MEI4: variants seen among roughly 807,000 people sequenced by gnomAD.
MEI4 encodes meiotic double-stranded break formation protein 4, also known as meiosis-specific protein MEI4.
A neutral mutation model predicts 31.4 loss-of-function variants in MEI4; 27 were observed. The observed-to-expected ratio is 0.86, with a 90% CI of 0.63 to 1.19. The LOEUF is 1.19. Among genes scored for constraint, MEI4 ranks in the 50% most tolerant of loss-of-function variants. The probability of loss-of-function intolerance (pLI) is 0.00; values close to 1 mark genes in which losing one functional copy is unlikely to be tolerated. For missense variants in MEI4, 329 were observed against 398.9 expected, an observed-to-expected ratio of 0.82 and a Z score of 1.49; for synonymous variants, 122 against 145.4, an observed-to-expected ratio of 0.84 and a Z score of 1.16.
chr6:77,824,406 A>C (rs1420709905), intron 3 of MEI4, among the ~76,000 whole-genome samples: 1 of 152,176 alleles, frequency 6.6e-6, no homozygotes, highest in Non-Finnish European at 1.5e-5. Context: ...CTAACTTTGA[A>C]CAAGTTAACT....
At chr6:77,781,423 T>G (rs1332490092) in intron 3 of MEI4, among the ~76,000 whole-genome samples, 1 of 152,168 alleles carries the variant, frequency 6.6e-6, no homozygotes, top group African/African-American at 2.4e-5. Context: ...AAAAACTTGC[T>G]GCTCAAAATG....
intron 2 of MEI4, among the ~76,000 whole-genome samples, chr6:77,757,611 A>T (rs954324859): frequency 3.9e-5 from 6 of 152,204 alleles, no homozygotes; most frequent in Non-Finnish European, 8.8e-5. Context: ...TTTTCTTCCC[A>T]ATTTATCCAT....
intron 1 of MEI4, among the ~76,000 whole-genome samples, chr6:77,683,818 A>G (rs911370376): frequency 2.0e-4 from 30 of 152,278 alleles, no homozygotes; most frequent in African/African-American, 6.7e-4. Context: ...TATCTTTTCT[A>G]TTGCGAATAA....
At chr6:77,849,900 G>A (rs1488555999) in intron 4 of MEI4, among the ~76,000 whole-genome samples, 1 of 152,062 alleles carries the variant, frequency 6.6e-6, no homozygotes, top group Non-Finnish European at 1.5e-5. Context: ...ATCCCATGTG[G>A]CATATTGGTT....
At chr6:77,673,377 A>G (rs975045838) in intron 1 of MEI4, among the ~76,000 whole-genome samples, 7 of 152,220 alleles carry the variant, frequency 4.6e-5, no homozygotes, top group African/African-American at 7.2e-5. Flanking sequence ...ACAATTTAAA[A>G]CAATTGTTAC....
At chr6:77,709,892 T>A (rs1351874349) in intron 2 of MEI4, among the ~76,000 whole-genome samples, 1 of 152,200 alleles carries the variant, frequency 6.6e-6, no homozygotes, top group East Asian at 1.9e-4. Flanking sequence ...TTTTATTCTG[T>A]GAACCACAAT....
chr6:77,701,781 A>C (rs1766230014), intron 2 of MEI4, among the ~76,000 whole-genome samples: 1 of 152,130 alleles, frequency 6.6e-6, no homozygotes, highest in African/African-American at 2.4e-5. Context: ...TTATTTAGTA[A>C]ATGTTTATTA....
chr6:77,915,418 G>A (rs1297795381), intron 4 of MEI4, among the ~76,000 whole-genome samples: 1 of 151,934 alleles, frequency 6.6e-6, no homozygotes, highest in Non-Finnish European at 1.5e-5. Context: ...ATTCTTGACT[G>A]GCAGGTTTTT....
At chr6:77,741,392 C>T (rs1767396034) in intron 2 of MEI4, among the ~76,000 whole-genome samples, 1 of 151,992 alleles carries the variant, frequency 6.6e-6, no homozygotes, top group Non-Finnish European at 1.5e-5. Context: ...TCTGATTGGT[C>T]TAGAGTGTGG....
chr6:77,831,159 A>G (rs1052443035), intron 4 of MEI4, among the ~76,000 whole-genome samples: 1 of 151,470 alleles, frequency 6.6e-6, no homozygotes, highest in African/African-American at 2.4e-5. Context: ...AAAAAAAAAA[A>G]GCTCAACAAT....
At chr6:77,843,437 T>A (rs903229544) in intron 4 of MEI4, among the ~76,000 whole-genome samples, 10 of 151,886 alleles carry the variant, frequency 6.6e-5, no homozygotes, top group African/African-American at 2.4e-4. Flanking sequence ...AAATATTTAG[T>A]ATTTTAAATT....
chr6:77,919,071 C>T (rs1232744241), intron 4 of MEI4, among the ~76,000 whole-genome samples: 2 of 151,992 alleles, frequency 1.3e-5, no homozygotes, highest in Non-Finnish European at 2.9e-5. Flanking sequence ...ACCCCACTGT[C>T]AACATTAGAC....
At chr6:77,908,247 G>A (rs1048597256) in intron 4 of MEI4, among the ~76,000 whole-genome samples, 16 of 152,216 alleles carry the variant, frequency 1.1e-4, no homozygotes, top group South Asian at 2.1e-4. Flanking sequence ...GAATGGTATT[G>A]CCTAGGTTTT....
intron 4 of MEI4, among the ~76,000 whole-genome samples, chr6:77,830,968 C>T (rs1770064648): frequency 6.6e-6 from 1 of 151,440 alleles, no homozygotes; most frequent in Non-Finnish European, 1.5e-5. Context: ...AAGAGACAAC[C>T]CACAAAATGG....
chr6:77,868,527 A>ATATG (rs1443166431), intron 4 of MEI4, among the ~76,000 whole-genome samples: 2 of 141,048 alleles, frequency 1.4e-5, no homozygotes, highest in East Asian at 2.1e-4. Context: ...ATATATATAT[A>ATATG]TGCAGATTTC....
chr6:77,866,319 A>T (rs1360162487), intron 4 of MEI4, among the ~76,000 whole-genome samples: 1 of 152,154 alleles, frequency 6.6e-6, no homozygotes, highest in Non-Finnish European at 1.5e-5. Flanking sequence ...ATGATTGTAT[A>T]TCTAGAAAAC....
At chr6:77,670,342 A>G (rs1365966812) in intron 1 of MEI4, among the ~76,000 whole-genome samples, 1 of 152,028 alleles carries the variant, frequency 6.6e-6, no homozygotes, top group Non-Finnish European at 1.5e-5. Flanking sequence ...TTGATTGGTT[A>G]TTTATGACAA....
At chr6:77,683,855 T>C (rs967147903) in intron 1 of MEI4, among the ~76,000 whole-genome samples, 10 of 152,216 alleles carry the variant, frequency 6.6e-5, no homozygotes, top group African/African-American at 2.4e-4. Flanking sequence ...GGAGTGCAGA[T>C]ATCTTTTTGA....
intron 3 of MEI4, among the ~76,000 whole-genome samples, chr6:77,786,886 T>C (rs1243726214): frequency 6.6e-6 from 1 of 152,100 alleles, no homozygotes; most frequent in Non-Finnish European, 1.5e-5. Context: ...GTAAAATAAT[T>C]AAATGGATAA....
Sources: allele counts gnomAD v4.1 joint callset (sites outside exome capture counted in the v4.1 genomes callset), GRCh38; gene constraint gnomAD v4.1.1; transcripts MANE v1.5; gene names NCBI Gene and HGNC (gene_info 2026-07-23, HGNC 2026-07-21).